SLC25A24: variants seen among roughly 807,000 people sequenced by gnomAD.
SLC25A24 encodes solute carrier family 25 member 24.
Under a neutral mutation model 60.7 loss-of-function variants are expected in SLC25A24, and 49 were observed. That is an observed-to-expected ratio of 0.81 (90% CI 0.64 to 1.02). SLC25A24 has a LOEUF of 1.02. Among genes scored for constraint, SLC25A24 ranks in the 50% least tolerant of loss-of-function variants. The probability of loss-of-function intolerance (pLI) is 0.00; values close to 1 mark genes in which losing one functional copy is unlikely to be tolerated. For synonymous variants in SLC25A24, 202 were observed against 200.6 expected (o/e 1.01, Z -0.06); for missense variants, 564 against 586.3 (o/e 0.96, Z 0.39).
At chr1:108,144,505 C>A (rs909521171) in intron 7 of SLC25A24, among the ~76,000 whole-genome samples, 1 of 152,042 alleles carries the variant, frequency 6.6e-6, no homozygotes, top group African/African-American at 2.4e-5. Context: ...TAGGTATACA[C>A]GTGCCATGGT....
At chr1:108,139,030 C>T (rs550049594) in intron 9 of SLC25A24, 28 bp downstream of exon 9, 48 of 1,516,036 alleles carry the variant, frequency 3.2e-5, no homozygotes, top group Non-Finnish European at 3.8e-5. Flanking sequence ...GCACTTTTAT[C>T]GGTGTGGTTC....
At chr1:108,148,615 G>A (rs1679671722) in intron 6 of SLC25A24, among the ~76,000 whole-genome samples, 1 of 152,094 alleles carries the variant, frequency 6.6e-6, no homozygotes, top group African/African-American at 2.4e-5. Flanking sequence ...CCCTTCACAT[G>A]TGCACCAAGA....
In SLC25A24 at chr1:108,172,816, A is replaced by C. The variant is rs534141833; in HGVS notation, c.398+9125T>G. 2.4e-3 allele frequency among the ~76,000 whole-genome samples: 365 copies of C among 152,300 alleles called. 1 individual carries two copies. Among genetic ancestry groups the C allele is most frequent in the African/African-American group, 8.4e-3 (349 of 41,560 alleles). Reference sequence around the variant, plus strand: ...CACTAATGGCTTAGCACTTGAGGGAAGGTCCATGATGGTTATATAACTACA... The same window carrying C: ...CACTAATGGCTTAGCACTTGAGGGACGGTCCATGATGGTTATATAACTACA... On this transcript the variant is annotated intron_variant, in intron 3 of 9. Coordinates refer to ENST00000565488, the MANE Select transcript of SLC25A24 (RefSeq NM_013386.5).
At chr1:108,143,232 C>T (rs991881440) in intron 8 of SLC25A24, among the ~76,000 whole-genome samples, 26 of 152,176 alleles carry the variant, frequency 1.7e-4, no homozygotes, top group African/African-American at 5.5e-4. Context: ...ACATTAGTCA[C>T]TTGGCTTAAT....
At chr1:108,166,467 A>G (rs907805089) in intron 3 of SLC25A24, among the ~76,000 whole-genome samples, 3 of 152,030 alleles carry the variant, frequency 2.0e-5, no homozygotes, top group African/African-American at 7.2e-5. Flanking sequence ...ACATAGTCCC[A>G]TATTTCTTGG....
Position 108,200,249 on chromosome 1 carries a change from G to T in SLC25A24, c.-111C>A. On this transcript the variant is annotated 5_prime_UTR_variant, in exon 1 of 10. The change creates a new upstream start codon in the 5' untranslated region. Transcript: ENST00000565488. ...GCTGGGCGGGGCGCGCGGCGCAACA[G>T]CGTTTGGGGCGCCGTCGGGGTTGCG... The T allele has an allele frequency of 9.4e-7, 1 of 1,060,374 alleles. No individual in the cohort carries two copies. Among genetic ancestry groups the T allele is most frequent in the Non-Finnish European group, 1.2e-6 (1 of 808,690 alleles). 65.7% of individuals were successfully genotyped at this position (1,060,374 alleles called of 1,614,324 possible).
chr1:108,184,376 A>C (rs1001902936), intron 2 of SLC25A24, among the ~76,000 whole-genome samples: 1 of 152,178 alleles, frequency 6.6e-6, no homozygotes, highest in Non-Finnish European at 1.5e-5. Context: ...AAGAAAGAAA[A>C]CTGAGTTTTG....
chr1:108,143,460 T>C (rs1462654736), intron 8 of SLC25A24, 83 bp downstream of exon 8: 2 of 1,152,608 alleles, frequency 1.7e-6, no homozygotes, highest in African/African-American at 3.1e-5. Flanking sequence ...TGTTTTCTGG[T>C]ATATATCTAC....
chr1:108,186,800 G>A (rs866902354), intron 1 of SLC25A24, among the ~76,000 whole-genome samples: 72 of 151,992 alleles, frequency 4.7e-4, no homozygotes, highest in Middle Eastern at 3.4e-3. Context: ...AAGTTGGGCC[G>A]GGCACAGTGG....
Position 108,134,719 on chromosome 1 carries a change from C to T in SLC25A24, c.*1934G>A, listed in dbSNP as rs1679232251. On this transcript the variant is annotated 3_prime_UTR_variant, in exon 10 of 10. Transcript: ENST00000565488. ...GTGCCAAACATCTAAGCTAGCTAAG[C>T]TGTAGGATACAATTTTTGCTTTATT... 1 of 151,740 alleles carries T rather than the reference C, an allele frequency of 6.6e-6. No homozygotes were observed. The highest frequency in any genetic ancestry group is 6.6e-5 in the Admixed American group (1 of 15,232). The allele number at this position is 151,740 out of a possible 1,614,324, so 9.4% of individuals were successfully genotyped here. A position where few individuals can be genotyped will look rare whatever the true frequency, so the allele number is the denominator to read the frequency against.
intron 1 of SLC25A24, chr1:108,192,653 G>C: frequency 6.7e-7 from 1 of 1,486,226 alleles, no homozygotes; most frequent in South Asian, 1.3e-5. Flanking sequence ...TCCGCGGCCT[G>C]AGTGAGCCCC....
At chr1:108,194,112 T>C (rs754939201) in intron 1 of SLC25A24, among the ~76,000 whole-genome samples, 2 of 138,798 alleles carry the variant, frequency 1.4e-5, no homozygotes, top group African/African-American at 5.0e-5. Context: ...TGTAAGCTCT[T>C]GCTCTACACT....
Position 108,136,909 on chromosome 1 carries a change from C to T in SLC25A24, c.1250-72G>A, listed in dbSNP as rs1053504822. ...TTATTATGACAACAAACAATTATGA[C>T]CCAGAATGATATTCTAAAATACAGT... On this transcript the variant is annotated intron_variant, in intron 9 of 9. Transcript: ENST00000565488. 24 of 1,369,204 alleles carry T rather than the reference C, an allele frequency of 1.8e-5. No individual in the cohort carries two copies. The African/African-American group carries it at 3.2e-4, about 18-fold the overall frequency. 84.8% of individuals were successfully genotyped at this position (1,369,204 alleles called of 1,614,324 possible). A position where few individuals can be genotyped will look rare whatever the true frequency, so the allele number is the denominator to read the frequency against.
chr1:108,148,231 A>T, intron 7 of SLC25A24, 48 bp downstream of exon 7: 1 of 1,111,882 alleles, frequency 9.0e-7, no homozygotes, highest in African/African-American at 1.5e-5. Flanking sequence ...AGCAATAGAC[A>T]ACCAACACGA....
chr1:108,148,926 C>T (rs1026245944), intron 6 of SLC25A24, among the ~76,000 whole-genome samples: 28 of 152,308 alleles, frequency 1.8e-4, no homozygotes, highest in South Asian at 1.4e-3. Flanking sequence ...TGCTAATACA[C>T]GCAGTGACTG....
At chr1:108,195,334 A>T (rs1036143597) in intron 1 of SLC25A24, among the ~76,000 whole-genome samples, 7 of 152,220 alleles carry the variant, frequency 4.6e-5, no homozygotes, top group African/African-American at 1.7e-4. Context: ...GGATCAATGT[A>T]CATGGCTGTG....
intron 8 of SLC25A24, among the ~76,000 whole-genome samples, chr1:108,140,067 C>A (rs1679404119): frequency 6.6e-6 from 1 of 151,954 alleles, no homozygotes; most frequent in Non-Finnish European, 1.5e-5. Flanking sequence ...ACATAAGATA[C>A]TTTAAGTATA....
chr1:108,178,216 C>T (rs1490525880), intron 3 of SLC25A24, among the ~76,000 whole-genome samples: 1 of 151,982 alleles, frequency 6.6e-6, no homozygotes, highest in East Asian at 1.9e-4. Context: ...ACCATTAATA[C>T]GTCTGAAAGG....
At chr1:108,138,740 C>T (rs867444857) in intron 9 of SLC25A24, among the ~76,000 whole-genome samples, 17 of 152,174 alleles carry the variant, frequency 1.1e-4, no homozygotes, top group African/African-American at 4.1e-4. Context: ...GATCTGAACC[C>T]AAATCCATCA....
Sources: allele counts gnomAD v4.1 joint callset (sites outside exome capture counted in the v4.1 genomes callset), GRCh38; gene constraint gnomAD v4.1.1; transcripts MANE v1.5; gene names NCBI Gene and HGNC (gene_info 2026-07-23, HGNC 2026-07-21).